Variants in METTL8 observed in about 807,000 individuals in gnomAD.
METTL8 encodes the protein methyltransferase 8, tRNA N3-cytidine.
A neutral mutation model predicts 48.7 loss-of-function variants in METTL8; 32 were observed. That is an observed-to-expected ratio of 0.66 (90% CI 0.50 to 0.88). The LOEUF (loss-of-function observed/expected upper bound fraction) is 0.88, where lower values mean the gene tolerates loss of function less well. Ranked by LOEUF, METTL8 falls within the 40% of genes least tolerant of loss-of-function variation. The probability of loss-of-function intolerance (pLI) is 0.00; values close to 1 mark genes in which losing one functional copy is unlikely to be tolerated. For synonymous variants in METTL8, 136 were observed against 157.1 expected, an observed-to-expected ratio of 0.87 and a Z score of 1.01; for missense variants, 464 against 474.4, an observed-to-expected ratio of 0.98 and a Z score of 0.20.
intron 2 of METTL8, among the ~76,000 whole-genome samples, chr2:171,376,356 T>C (rs1686961178): frequency 6.6e-6 from 1 of 152,122 alleles, no homozygotes; most frequent in Non-Finnish European, 1.5e-5. Context: ...GTCTTCACTG[T>C]CTTCACACTT....
intron 3 of METTL8, among the ~76,000 whole-genome samples, chr2:171,341,111 C>T (rs372556413): frequency 8.0e-4 from 121 of 151,944 alleles, no homozygotes; most frequent in Non-Finnish European, 1.3e-3. Context: ...GGGCGGATCA[C>T]GAGGTCAGGA....
intron 3 of METTL8, among the ~76,000 whole-genome samples, chr2:171,344,464 T>C (rs1353815201): frequency 6.6e-6 from 1 of 152,232 alleles, no homozygotes; most frequent in African/African-American, 2.4e-5. Context: ...AATTATGAAG[T>C]ATCAAGTTGA....
chr2:171,392,672 A>G (rs879484561), intron 1 of METTL8, among the ~76,000 whole-genome samples: 2 of 152,254 alleles, frequency 1.3e-5, no homozygotes, highest in Non-Finnish European at 2.9e-5. Flanking sequence ...GCTGAACTGA[A>G]TAATATGAAA....
intron 2 of METTL8, chr2:171,374,806 A>C: frequency 1.5e-6 from 1 of 651,692 alleles, no homozygotes; most frequent in Non-Finnish European, 2.7e-6. Context: ...TCTGAAATTC[A>C]TCCATGTTGT....
intron 2 of METTL8, among the ~76,000 whole-genome samples, chr2:171,366,437 C>T (rs973349303): frequency 4.6e-5 from 7 of 152,094 alleles, no homozygotes; most frequent in Non-Finnish European, 8.8e-5. Context: ...TAAAGGAAGG[C>T]AACATAATCC....
At chr2:171,332,729 TG>T in intron 5 of METTL8, 1 of 152,344 alleles carries the variant, frequency 6.6e-6, no homozygotes. Context: ...ATAGTCTAGT[TG>T]GGGACATAAT....
chr2:171,371,322 TTAG>T (rs982313442), intron 2 of METTL8, among the ~76,000 whole-genome samples: 2 of 152,106 alleles, frequency 1.3e-5, no homozygotes, highest in Admixed American at 1.3e-4. Context: ...GTTACTGTTA[TTAG>T]TAAATTAGTT....
Position 171,324,218 on chromosome 2 carries a change from G to A in METTL8, c.1178C>T (p.Thr393Ile), listed in dbSNP as rs1279608136. 3.9e-6 allele frequency: 6 copies of A among 1,550,270 alleles called. No individual in the cohort carries two copies. The highest frequency in any genetic ancestry group is 5.2e-6 in the Non-Finnish European group (6 of 1,146,808). ...QGKFQKPLHQ[T>I]QNSSNMVSTL... ...AGATACCATATTGGAGCTATTCTGA[G>A]TCTGGTGCAATGGTTTCTGGAATTT... The change falls in exon 10 of 10, where the codon ACT becomes ATT. Residue 393 changes from threonine to isoleucine, a missense_variant. Physicochemically the swap from Thr to Ile is moderately conservative, Grantham distance 89. Coordinates refer to ENST00000375258, the MANE Select transcript of METTL8 (RefSeq NM_001321154.2).
intron 3 of METTL8, among the ~76,000 whole-genome samples, chr2:171,351,460 C>G (rs565382008): frequency 6.6e-6 from 1 of 152,178 alleles, no homozygotes; most frequent in African/African-American, 2.4e-5. Flanking sequence ...TTTTTTGTTT[C>G]CATATGAACT....
intron 2 of METTL8, among the ~76,000 whole-genome samples, chr2:171,383,898 A>C (rs1281035802): frequency 6.6e-6 from 1 of 152,232 alleles, no homozygotes; most frequent in Non-Finnish European, 1.5e-5. Flanking sequence ...ACTTAAACAC[A>C]GAATTACCAC....
chr2:171,424,244 C>T (rs888179367), intron 1 of METTL8, among the ~76,000 whole-genome samples: 1 of 152,232 alleles, frequency 6.6e-6, no homozygotes, highest in East Asian at 1.9e-4. Flanking sequence ...TCATGGAGAA[C>T]CTCTGCTATG....
intron 1 of METTL8, among the ~76,000 whole-genome samples, chr2:171,431,199 G>C (rs1692977505): frequency 6.6e-6 from 1 of 152,168 alleles, no homozygotes; most frequent in African/African-American, 2.4e-5. Flanking sequence ...TTGCACAGGG[G>C]GCTTGCCTAA....
intron 1 of METTL8, among the ~76,000 whole-genome samples, chr2:171,395,544 C>G (rs1688980003): frequency 6.6e-6 from 1 of 151,936 alleles, no homozygotes; most frequent in South Asian, 2.1e-4. Flanking sequence ...GCTGGTGGGG[C>G]TATATTAATA....
chr2:171,319,634 G>A lies in METTL8; in HGVS notation c.*4538C>T, dbSNP rs1684432460. The A allele has an allele frequency of 1.3e-5, 2 of 152,250 alleles. No individual in the cohort carries two copies. The highest frequency in any genetic ancestry group is 2.9e-5 in the Non-Finnish European group (2 of 68,050). 9.4% of individuals were successfully genotyped at this position (152,250 alleles called of 1,614,324 possible). ...TTGTAGACAAAGCATATGGAATCGA[G>A]AGAGGCAAAGCAAATAAGTTCTCAG... On this transcript the variant is annotated 3_prime_UTR_variant, in exon 10 of 10. Transcript: ENST00000375258.
intron 2 of METTL8, among the ~76,000 whole-genome samples, chr2:171,363,792 T>TTATATATATATATATATATATGTATA (rs1553516533): frequency 3.2e-4 from 31 of 97,446 alleles, no homozygotes; most frequent in Middle Eastern, 5.3e-3. Context: ...TCCCCAAATT[T>TTATATATATATATATATATATGTATA]TATATATATA....
intron 1 of METTL8, among the ~76,000 whole-genome samples, chr2:171,432,857 C>T (rs1347705730): frequency 6.6e-6 from 1 of 152,062 alleles, no homozygotes; most frequent in East Asian, 1.9e-4. Flanking sequence ...TACCATAGGC[C>T]AATTGATATA....
rs1684501805 is a variant in METTL8 at position 171,321,072 on chromosome 2, C to T, written c.*3100G>A. The stretch of plus-strand genomic sequence containing the variant: ...TGAGAATGTACATTCAAGAACTAGC[C>T]TGAGACCTACCTCCCCCAAGAAACC... On this transcript the variant is annotated 3_prime_UTR_variant, in exon 10 of 10. Transcript: ENST00000375258. 1 of 152,266 alleles carries T rather than the reference C, an allele frequency of 6.6e-6. No homozygotes were observed. The highest frequency in any genetic ancestry group is 2.1e-4 in the South Asian group (1 of 4,828). The allele number at this position is 152,266 out of a possible 1,614,324, so 9.4% of individuals were successfully genotyped here. A position where few individuals can be genotyped will look rare whatever the true frequency, so the allele number is the denominator to read the frequency against.
intron 2 of METTL8, among the ~76,000 whole-genome samples, chr2:171,382,662 G>T (rs1034522371): frequency 3.8e-4 from 57 of 151,928 alleles, no homozygotes; most frequent in African/African-American, 1.4e-3. Flanking sequence ...CATGGCACAT[G>T]TATGCCTATG....
intron 1 of METTL8, among the ~76,000 whole-genome samples, chr2:171,404,640 T>C (rs1002628310): frequency 6.6e-6 from 1 of 152,134 alleles, no homozygotes; most frequent in Non-Finnish European, 1.5e-5. Context: ...AGTGAAACCA[T>C]GGATAATGGG....
Sources: gnomAD v4.1 joint callset for allele counts (sites outside exome capture counted in the v4.1 genomes callset) on GRCh38, gnomAD v4.1.1 for gene constraint, MANE v1.5 for transcripts, NCBI Gene and HGNC (gene_info 2026-07-23, HGNC 2026-07-21) for gene names.